STK39: variants seen among roughly 807,000 people sequenced by gnomAD.
STK39 encodes serine/threonine kinase 39, also known as STE20/SPS1-related proline-alanine-rich protein kinase.
A neutral mutation model predicts 77.8 loss-of-function variants in STK39; 20 were observed. The observed-to-expected ratio is 0.26, with a 90% CI of 0.18 to 0.37. The LOEUF is 0.37. STK39 is among the 10% of genes least tolerant of loss of function. The pLI is 1.00. For missense variants in STK39, 479 were observed against 656.5 expected (o/e 0.73, Z 2.95); for synonymous variants, 246 against 234.1 (o/e 1.05, Z -0.47).
intron 1 of STK39, among the ~76,000 whole-genome samples, chr2:168,188,753 G>C (rs985996962): frequency 6.6e-6 from 1 of 152,144 alleles, no homozygotes; most frequent in Non-Finnish European, 1.5e-5. Context: ...TCTGTCATCT[G>C]GTGCATTCTA....
chr2:168,229,590 A>T (rs1175454366), intron 1 of STK39, among the ~76,000 whole-genome samples: 1 of 152,204 alleles, frequency 6.6e-6, no homozygotes, highest in Non-Finnish European at 1.5e-5. Flanking sequence ...ACGGGGAATA[A>T]AATATTGCTG....
intron 1 of STK39, among the ~76,000 whole-genome samples, chr2:168,207,928 C>T (rs1366210721): frequency 6.6e-6 from 1 of 152,036 alleles, no homozygotes; most frequent in African/African-American, 2.4e-5. Context: ...GAAGAGTAAA[C>T]TGGAAGAATA....
intron 1 of STK39, among the ~76,000 whole-genome samples, chr2:168,213,350 A>G (rs1689941613): frequency 6.6e-6 from 1 of 152,218 alleles, no homozygotes; most frequent in South Asian, 2.1e-4. Context: ...GTCATGTGTT[A>G]AGCACTTAGT....
chr2:167,980,866 T>C (rs1683399689), intron 16 of STK39, among the ~76,000 whole-genome samples: 1 of 151,592 alleles, frequency 6.6e-6, no homozygotes, highest in Admixed American at 6.6e-5. Flanking sequence ...CCTTTAAAGG[T>C]TTTATCTTCA....
At chr2:167,963,752 A>C (rs368376098) in intron 17 of STK39, among the ~76,000 whole-genome samples, 2 of 152,318 alleles carry the variant, frequency 1.3e-5, no homozygotes, top group African/African-American at 4.8e-5. Flanking sequence ...CCAGGAAGTT[A>C]ATTAGCACCA....
In STK39 at chr2:167,970,735, G is replaced by A. The variant is rs116042546; in HGVS notation, c.1499-6009C>T. On this transcript the variant is annotated intron_variant, in intron 16 of 17. Coordinates refer to ENST00000355999, the MANE Select transcript of STK39 (RefSeq NM_013233.3). ...TTGAAAACCTAACTTAGGAGTGTGC[G>A]CCTGTAACAAGCTCAATCTCAGCAG... Among the ~76,000 whole-genome samples the A allele has an allele frequency of 1.1e-3, 175 of 152,252 alleles. 2 individuals are homozygous for A. Among genetic ancestry groups the A allele is most frequent in the African/African-American group, 3.8e-3 (158 of 41,522 alleles).
chr2:168,237,946 G>A (rs1402170998), intron 1 of STK39, among the ~76,000 whole-genome samples: 2 of 152,076 alleles, frequency 1.3e-5, no homozygotes, highest in Admixed American at 6.6e-5. Context: ...AACAGAGATA[G>A]TGACATTGCC....
chr2:168,061,415 T>C (rs1213713265), intron 14 of STK39, among the ~76,000 whole-genome samples: 1 of 151,306 alleles, frequency 6.6e-6, no homozygotes, highest in African/African-American at 2.4e-5. Context: ...CAAATTATCT[T>C]CCTGTAGAAC....
intron 12 of STK39, among the ~76,000 whole-genome samples, chr2:168,073,743 C>T (rs1559083987): frequency 1.3e-5 from 2 of 152,116 alleles, no homozygotes; most frequent in East Asian, 3.9e-4. Context: ...ATTCTCGTGC[C>T]TCAGCCTCCC....
At chr2:168,171,861 C>G (rs1185105059) in intron 2 of STK39, among the ~76,000 whole-genome samples, 7 of 100,798 alleles carry the variant, frequency 6.9e-5, no homozygotes, top group African/African-American at 1.0e-4. Flanking sequence ...CCACTCCCCC[C>G]TCCCCCCCAC....
chr2:168,034,340 T>C lies in STK39; in HGVS notation c.1377-17245A>G, dbSNP rs572138066. ...AGTTTTCTGATAATCCAGCTAATAA[T>C]TGTTGCCCTTATAAATAAATTTAAA... On this transcript the variant is annotated intron_variant, in intron 14 of 17. Coordinates refer to ENST00000355999, the MANE Select transcript of STK39 (RefSeq NM_013233.3). Among the ~76,000 whole-genome samples the C allele has an allele frequency of 1.3e-4, 20 of 152,290 alleles. No homozygotes were observed. In the East Asian group the frequency reaches 3.1e-3, roughly 24 times the overall value.
chr2:168,102,582 C>T (rs1244090196), intron 10 of STK39, among the ~76,000 whole-genome samples: 1 of 152,166 alleles, frequency 6.6e-6, no homozygotes, highest in Admixed American at 6.5e-5. Context: ...CAAGCCAGCC[C>T]TTCAAGATTC....
intron 16 of STK39, among the ~76,000 whole-genome samples, chr2:168,007,657 C>G (rs1684164772): frequency 1.3e-5 from 2 of 151,966 alleles, no homozygotes; most frequent in Non-Finnish European, 2.9e-5. Context: ...TATTTAAGCA[C>G]CAGGGGGTGG....
intron 10 of STK39, among the ~76,000 whole-genome samples, chr2:168,123,437 T>G (rs759038504): frequency 3.9e-5 from 6 of 152,176 alleles, no homozygotes; most frequent in Non-Finnish European, 5.9e-5. Context: ...TACAGTGAAG[T>G]ATATTTAGAG....
chr2:167,989,787 T>C (rs565419266), intron 16 of STK39, among the ~76,000 whole-genome samples: 9 of 152,202 alleles, frequency 5.9e-5, no homozygotes, highest in Non-Finnish European at 1.0e-4. Context: ...ATTTTAAAAA[T>C]TGCAGGAAAT....
chr2:168,131,178 A>G, intron 8 of STK39, among the ~76,000 whole-genome samples: 1 of 152,248 alleles, frequency 6.6e-6, no homozygotes, highest in East Asian at 1.9e-4. Flanking sequence ...TAAAACATAG[A>G]TATCACAATT....
intron 5 of STK39, among the ~76,000 whole-genome samples, chr2:168,142,589 C>G (rs528284520): frequency 6.2e-4 from 94 of 152,248 alleles, no homozygotes; most frequent in African/African-American, 2.0e-3. Context: ...ATACTACCTG[C>G]TTACATTACA....
chr2:168,189,749 TA>T (rs1220389938), intron 1 of STK39, among the ~76,000 whole-genome samples: 9 of 152,312 alleles, frequency 5.9e-5, no homozygotes, highest in Non-Finnish European at 1.5e-5. Context: ...CTTGCCGGTT[TA>T]AAAACAAAAA....
chr2:168,032,126 A>G (rs574561868), intron 14 of STK39, among the ~76,000 whole-genome samples: 1 of 152,374 alleles, frequency 6.6e-6, no homozygotes, highest in Non-Finnish European at 1.5e-5. Flanking sequence ...ATAGTCTTCA[A>G]TGGTGCAATG....
Sources: allele counts gnomAD v4.1 joint callset (sites outside exome capture counted in the v4.1 genomes callset), GRCh38; gene constraint gnomAD v4.1.1; transcripts MANE v1.5; gene names NCBI Gene and HGNC (gene_info 2026-07-23, HGNC 2026-07-21).